Variants in LAMA4 observed in about 807,000 individuals in gnomAD.
The protein encoded by LAMA4 is laminin subunit alpha-4.
A neutral mutation model predicts 207.1 loss-of-function variants in LAMA4; 127 were observed. That is an observed-to-expected ratio of 0.61 (90% CI 0.53 to 0.71). The LOEUF (loss-of-function observed/expected upper bound fraction) is 0.71, where lower values mean the gene tolerates loss of function less well. Ranked by LOEUF, LAMA4 falls within the 30% of genes least tolerant of loss-of-function variation. LAMA4 has a pLI of 0.00. For synonymous variants in LAMA4, 761 were observed against 816.0 expected (o/e 0.93, Z 1.15); for missense variants, 2,093 against 2,246.5 (o/e 0.93, Z 1.38).
chr6:112,243,566 G>A (rs998540516), intron 2 of LAMA4, among the ~76,000 whole-genome samples: 2 of 152,088 alleles, frequency 1.3e-5, no homozygotes, highest in African/African-American at 4.8e-5. Flanking sequence ...AGGGTGATCT[G>A]GTTGTTAGTG....
chr6:112,137,399 A>G (rs555227347), intron 24 of LAMA4, among the ~76,000 whole-genome samples: 1 of 152,342 alleles, frequency 6.6e-6, no homozygotes, highest in East Asian at 1.9e-4. Context: ...ATATTTCAAC[A>G]TCCATTTATA....
At chr6:112,248,750 G>A (rs1421648403) in intron 2 of LAMA4, among the ~76,000 whole-genome samples, 1 of 151,776 alleles carries the variant, frequency 6.6e-6, no homozygotes, top group Non-Finnish European at 1.5e-5. Context: ...ATCACGTGGA[G>A]GACACACCCT....
chr6:112,218,016 G>A (rs1252519441), intron 2 of LAMA4: 1 of 152,100 alleles, frequency 6.6e-6, no homozygotes, highest in Non-Finnish European at 1.5e-5. Context: ...CCATATATAT[G>A]TGTCTCAGAG....
chr6:112,115,870 T>C lies in LAMA4; in HGVS notation c.5105A>G (p.Asn1702Ser), dbSNP rs1583629881. The C allele has an allele frequency of 1.2e-6, 2 of 1,612,428 alleles. No individual in the cohort carries two copies. The highest frequency in any genetic ancestry group is 1.1e-5 in the South Asian group (1 of 91,064). Reference sequence around the variant, plus strand: ...ACATTTTTCAGACACTACCTGTCCATTTTTCATGTGAACATTTAGGTACTC... The same window carrying C: ...ACATTTTTCAGACACTACCTGTCCACTTTTCATGTGAACATTTAGGTACTC... ...NGEYLNVHMKNGQVIVKVNNG... is the reference protein window; with the variant it reads ...NGEYLNVHMKSGQVIVKVNNG... Residue 1702 changes from asparagine to serine, a missense_variant, in exon 36 of 39, where the codon AAT becomes AGT. Coordinates refer to ENST00000230538, the MANE Select transcript of LAMA4 (RefSeq NM_001105206.3).
chr6:112,212,367 G>T (rs782740885), intron 3 of LAMA4, among the ~76,000 whole-genome samples: 18 of 151,936 alleles, frequency 1.2e-4, no homozygotes, highest in Non-Finnish European at 2.1e-4. Flanking sequence ...GGGATTACAG[G>T]CGCCCGCCAC....
At chr6:112,184,324 G>GA (rs576885972) in intron 9 of LAMA4, among the ~76,000 whole-genome samples, 17,594 of 120,430 alleles carry the variant, frequency 0.15, 1,275 homozygotes, top group East Asian at 0.34. Context: ...AATATCATTA[G>GA]AAAAAAAAAA....
intron 11 of LAMA4, among the ~76,000 whole-genome samples, chr6:112,175,064 C>T (rs1781942494): frequency 6.6e-6 from 1 of 152,176 alleles, no homozygotes; most frequent in African/African-American, 2.4e-5. Flanking sequence ...TTTTCACCAA[C>T]TGCTATAGAT....
intron 31 of LAMA4, among the ~76,000 whole-genome samples, chr6:112,127,280 A>G (rs79471565): frequency 0.011 from 1,600 of 150,120 alleles, 25 homozygotes; most frequent in African/African-American, 0.036. Context: ...GAATAGAAAG[A>G]GGCAAAAGAG....
intron 2 of LAMA4, among the ~76,000 whole-genome samples, chr6:112,230,677 C>G (rs1785508055): frequency 6.6e-6 from 1 of 152,170 alleles, no homozygotes; most frequent in Non-Finnish European, 1.5e-5. Context: ...TTAGGGCACA[C>G]AGCTTAGCAA....
intron 29 of LAMA4, 94 bp downstream of exon 29, chr6:112,130,874 A>C (rs1346713398): frequency 7.4e-7 from 1 of 1,348,132 alleles, no homozygotes; most frequent in Admixed American, 1.7e-5. Context: ...ACATTAGAAA[A>C]GTTATAGGAC....
chr6:112,186,248 T>C (rs1583830010), intron 8 of LAMA4, among the ~76,000 whole-genome samples: 1 of 152,138 alleles, frequency 6.6e-6, no homozygotes, highest in African/African-American at 2.4e-5. Context: ...CAATAATTAT[T>C]CAGGAAACTG....
At chr6:112,191,997 A>G in intron 5 of LAMA4, 147 bp from the exon 6 acceptor site, 1 of 755,122 alleles carries the variant, frequency 1.3e-6, no homozygotes, top group Admixed American at 2.1e-5. Context: ...TCTTCATAGG[A>G]CCAGATTTCG....
At chr6:112,216,733 T>C (rs988557594) in intron 2 of LAMA4, 7 of 458,386 alleles carry the variant, frequency 1.5e-5, no homozygotes, top group Admixed American at 3.4e-5. Flanking sequence ...TAACACTGTC[T>C]TATCATTGCA....
At chr6:112,169,515 G>A (rs1312131634) in intron 12 of LAMA4, among the ~76,000 whole-genome samples, 2 of 152,214 alleles carry the variant, frequency 1.3e-5, no homozygotes, top group African/African-American at 4.8e-5. Context: ...GACTGAAGCA[G>A]TGAGATTGGG....
At chr6:112,121,344 A>G (rs1778345292) in intron 32 of LAMA4, among the ~76,000 whole-genome samples, 3 of 152,246 alleles carry the variant, frequency 2.0e-5, no homozygotes, top group African/African-American at 7.2e-5. Context: ...TAGTTTGATT[A>G]ACTCTAAATT....
intron 9 of LAMA4, among the ~76,000 whole-genome samples, chr6:112,180,273 C>T (rs374255736): frequency 1.3e-5 from 2 of 152,158 alleles, no homozygotes; most frequent in African/African-American, 2.4e-5. Flanking sequence ...AAAACCTCTT[C>T]TTTTTGACAA....
At chr6:112,133,872 T>C (rs2114662635) in intron 26 of LAMA4, among the ~76,000 whole-genome samples, 1 of 152,298 alleles carries the variant, frequency 6.6e-6, no homozygotes, top group African/African-American at 2.4e-5. Context: ...TTTAACGTAA[T>C]GAAACTAAGA....
intron 2 of LAMA4, among the ~76,000 whole-genome samples, chr6:112,242,802 T>C (rs187299366): frequency 1.3e-5 from 2 of 152,356 alleles, no homozygotes; most frequent in East Asian, 3.9e-4. Flanking sequence ...CTTTACATTG[T>C]TATTAAGATT....
chr6:112,139,500 A>G (rs1779554912), intron 23 of LAMA4, among the ~76,000 whole-genome samples: 1 of 152,196 alleles, frequency 6.6e-6, no homozygotes, highest in African/African-American at 2.4e-5. Context: ...AAGACAACTG[A>G]AGTCTCCAGG....
Sources: gnomAD v4.1 joint callset for allele counts (sites outside exome capture counted in the v4.1 genomes callset) on GRCh38, gnomAD v4.1.1 for gene constraint, MANE v1.5 for transcripts, NCBI Gene and HGNC (gene_info 2026-07-23, HGNC 2026-07-21) for gene names.